RNF4: variants seen among roughly 807,000 people sequenced by gnomAD.
The protein encoded by RNF4 is ring finger protein 4.
RNF4 carries 7 observed loss-of-function variants against 24.3 expected under a neutral mutation model. The observed-to-expected ratio is 0.29, with a 90% CI of 0.16 to 0.54. The LOEUF is 0.54. Among genes scored for constraint, RNF4 ranks in the 20% least tolerant of loss-of-function variants. The pLI is 0.95. For synonymous variants in RNF4, 83 were observed against 84.3 expected (o/e 0.98, Z 0.09); for missense variants, 209 against 248.5 (o/e 0.84, Z 1.07).
At chr4:2,508,594 G>GT (rs1213661497) in intron 4 of RNF4, among the ~76,000 whole-genome samples, 1 of 151,976 alleles carries the variant, frequency 6.6e-6, no homozygotes, top group African/African-American at 2.4e-5. Flanking sequence ...GTTTTGTTTT[G>GT]TTTTGTTTTT....
chr4:2,500,243 T>G (rs1578518009), intron 3 of RNF4, among the ~76,000 whole-genome samples: 1 of 151,642 alleles, frequency 6.6e-6, no homozygotes, highest in East Asian at 1.9e-4. Context: ...TTGGGCCAAG[T>G]GAGAGTGGTC....
chr4:2,490,528 T>C, intron 2 of RNF4, 26 bp downstream of exon 2: 1 of 1,607,708 alleles, frequency 6.2e-7, no homozygotes, highest in South Asian at 1.1e-5. Context: ...TCTTGAATTT[T>C]TAATTTTGTA....
chr4:2,513,027 G>T (rs1335881751), intron 6 of RNF4, 56 bp from the exon 7 acceptor site: 3 of 1,525,532 alleles, frequency 2.0e-6, no homozygotes, highest in African/African-American at 2.7e-5. Context: ...ACGTGACAGG[G>T]TATAATAAAA....
chr4:2,508,307 CT>C (rs1736163309), intron 4 of RNF4, among the ~76,000 whole-genome samples: 1 of 152,234 alleles, frequency 6.6e-6, no homozygotes, highest in Non-Finnish European at 1.5e-5. Context: ...TGTTACACCT[CT>C]ATCCATCTCT....
At chr4:2,495,625 A>T (rs1435894179) in intron 2 of RNF4, among the ~76,000 whole-genome samples, 7 of 113,862 alleles carry the variant, frequency 6.1e-5, no homozygotes, top group Non-Finnish European at 1.2e-4. Context: ...TCTGTTGGGA[A>T]GCTCTTTTTT....
intron 4 of RNF4, among the ~76,000 whole-genome samples, chr4:2,504,734 T>A (rs1298190474): frequency 2.8e-5 from 4 of 140,938 alleles, no homozygotes; most frequent in African/African-American, 7.9e-5. Flanking sequence ...GTATTTTTTT[T>A]TTTTTTTTTT....
At chr4:2,475,584 C>T (rs925324616) in intron 1 of RNF4, among the ~76,000 whole-genome samples, 4 of 152,102 alleles carry the variant, frequency 2.6e-5, no homozygotes, top group African/African-American at 2.4e-5. Context: ...AAGATCCACC[C>T]GCCTCAGCCT....
At chr4:2,501,568 C>G (rs776870569) in intron 4 of RNF4, among the ~76,000 whole-genome samples, 12 of 152,344 alleles carry the variant, frequency 7.9e-5, no homozygotes, top group Non-Finnish European at 1.5e-4. Context: ...AGACCTGTTT[C>G]ATGGTGCATG....
chr4:2,482,632 G>T (rs1051077427), intron 1 of RNF4, among the ~76,000 whole-genome samples: 1 of 152,206 alleles, frequency 6.6e-6, no homozygotes, highest in Non-Finnish European at 1.5e-5. Context: ...GATTTTGGTT[G>T]TAGCCTGATT....
At chr4:2,486,759 G>T (rs1735421170) in intron 1 of RNF4, among the ~76,000 whole-genome samples, 1 of 152,196 alleles carries the variant, frequency 6.6e-6, no homozygotes, top group African/African-American at 2.4e-5. Context: ...CTTAGGAACA[G>T]CCTGGGTGTG....
In RNF4 at chr4:2,504,726, A is replaced by ATTTTTTTTTTT. The variant is rs1182588172; in HGVS notation, c.204+3999_204+4009dup. Among the ~76,000 whole-genome samples the ATTTTTTTTTTT allele has an allele frequency of 1.6e-3, 100 of 61,046 alleles. 1 individual carries two copies. Among genetic ancestry groups the ATTTTTTTTTTT allele is most frequent in the Non-Finnish European group, 1.9e-3 (59 of 30,882 alleles). The allele number at this position is 61,046 out of a possible 152,430, so 40.0% of individuals were successfully genotyped here. ...CCACCATGCCCGGCTCATTTTTTGTATTTTTTTTTTTTTTTTTTTTTGAGA... is the reference window on the plus strand; with the variant it reads ...CCACCATGCCCGGCTCATTTTTTGTATTTTTTTTTTTTTTTTTTTTTTTTTTTTTTTTGAGA... On this transcript the variant is annotated intron_variant, in intron 4 of 7. Transcript: ENST00000314289.
chr4:2,509,498 G>A (rs1233194384), intron 4 of RNF4, among the ~76,000 whole-genome samples: 4 of 152,120 alleles, frequency 2.6e-5, no homozygotes, highest in South Asian at 2.1e-4. Context: ...GATTCCAGGT[G>A]TGAGCCACCG....
At chr4:2,472,971 A>C (rs1359283017) in intron 1 of RNF4, among the ~76,000 whole-genome samples, 2 of 151,888 alleles carry the variant, frequency 1.3e-5, no homozygotes, top group Non-Finnish European at 2.9e-5. Context: ...ACCCGGGAAG[A>C]GGAGCTTGCA....
chr4:2,504,660 C>T (rs527503651), intron 4 of RNF4, among the ~76,000 whole-genome samples: 2 of 150,744 alleles, frequency 1.3e-5, no homozygotes, highest in East Asian at 1.9e-4. Context: ...ACGCCATTCT[C>T]CTGCCTCAGC....
intron 1 of RNF4, among the ~76,000 whole-genome samples, chr4:2,487,549 G>A (rs558000677): frequency 2.4e-4 from 37 of 152,324 alleles, no homozygotes; most frequent in Middle Eastern, 3.4e-3. Flanking sequence ...GCCTCCCAGA[G>A]TGCTGGGATT....
chr4:2,503,824 C>T (rs146929026), intron 4 of RNF4, among the ~76,000 whole-genome samples: 72 of 152,252 alleles, frequency 4.7e-4, no homozygotes, highest in African/African-American at 1.5e-3. Context: ...TTACCAGTTC[C>T]GCCAGGACCT....
At chr4:2,470,575 T>C (rs763297207) in intron 1 of RNF4, among the ~76,000 whole-genome samples, 2 of 152,272 alleles carry the variant, frequency 1.3e-5, no homozygotes, top group Non-Finnish European at 2.9e-5. Flanking sequence ...ATTGTTTTTC[T>C]AATCTTCATG....
At chr4:2,505,448 C>G (rs1393233431) in intron 4 of RNF4, 1 of 151,756 alleles carries the variant, frequency 6.6e-6, no homozygotes, top group African/African-American at 2.4e-5. Context: ...GCCTCAGCCT[C>G]CAGAGTAGCT....
At chr4:2,477,745 T>A (rs1735125156) in intron 1 of RNF4, among the ~76,000 whole-genome samples, 1 of 152,168 alleles carries the variant, frequency 6.6e-6, no homozygotes, top group African/African-American at 2.4e-5. Context: ...TTTGTAAACT[T>A]CTTGCTTTTG....
Sources: allele counts gnomAD v4.1 joint callset (sites outside exome capture counted in the v4.1 genomes callset), GRCh38; gene constraint gnomAD v4.1.1; transcripts MANE v1.5; gene names NCBI Gene and HGNC (gene_info 2026-07-23, HGNC 2026-07-21).